Variants in SPMIP7 observed in about 807,000 individuals in gnomAD.
SPMIP7 encodes the protein sperm microtubule inner protein 7.
chr7:50,140,411 A>G, the SPMIP7 span, among the ~76,000 whole-genome samples: 8 of 152,364 alleles, frequency 5.3e-5, no homozygotes, highest in African/African-American at 1.9e-4. Context: ...AAGGAAGGAA[A>G]GAAAGAGAGA....
At chr7:50,145,624 A>G in the SPMIP7 span, among the ~76,000 whole-genome samples, 3,130 of 66,356 alleles carry the variant, frequency 0.047, 280 homozygotes, top group African/African-American at 0.095. Flanking sequence ...GTGTGTATAT[A>G]TATATATATA....
chr7:50,115,030 C>CAAA, the SPMIP7 span, among the ~76,000 whole-genome samples: 1 of 113,692 alleles, frequency 8.8e-6, no homozygotes, highest in African/African-American at 3.3e-5. Context: ...ATTCTGTCTC[C>CAAA]AAAAAAAAAA....
chr7:50,153,506 T>A, the SPMIP7 span, among the ~76,000 whole-genome samples: 9 of 152,244 alleles, frequency 5.9e-5, 1 homozygote, highest in Middle Eastern at 6.8e-3. Flanking sequence ...TCACCATCTC[T>A]CAATGAGAAA....
chr7:50,110,812 A>ATATAATATATAATCATATTATATAT, the SPMIP7 span, among the ~76,000 whole-genome samples: 1 of 128,712 alleles, frequency 7.8e-6, no homozygotes, highest in African/African-American at 3.1e-5. Context: ...AACATATATA[A>ATATAATATATAATCATATTATATAT]TATAATATAT....
the SPMIP7 span, among the ~76,000 whole-genome samples, chr7:50,115,270 T>C: frequency 6.6e-6 from 1 of 152,124 alleles, no homozygotes; most frequent in Admixed American, 6.6e-5. Context: ...ACATAAAATG[T>C]ATTTAAAATG....
At chr7:50,139,864 A>C in the SPMIP7 span, among the ~76,000 whole-genome samples, 3 of 152,374 alleles carry the variant, frequency 2.0e-5, no homozygotes, top group African/African-American at 7.2e-5. Flanking sequence ...GCAATGAAAA[A>C]GAACAAACAC....
At chr7:50,097,904 A>G in the SPMIP7 span, among the ~76,000 whole-genome samples, 1 of 152,204 alleles carries the variant, frequency 6.6e-6, no homozygotes. Flanking sequence ...AATCCCTGAA[A>G]CCTGATAAAA....
the SPMIP7 span, among the ~76,000 whole-genome samples, chr7:50,109,826 A>C: frequency 6.6e-6 from 1 of 152,138 alleles, no homozygotes; most frequent in Non-Finnish European, 1.5e-5. Context: ...ATAAGCTGTA[A>C]TTTTTCTGAT....
the SPMIP7 span, chr7:50,142,392 T>G: frequency 1.7e-4 from 26 of 152,308 alleles, no homozygotes; most frequent in African/African-American, 6.3e-4. Flanking sequence ...TTCAATAAAT[T>G]TGGGCATATA....
At chr7:50,133,268 G>A in the SPMIP7 span, among the ~76,000 whole-genome samples, 3 of 151,800 alleles carry the variant, frequency 2.0e-5, no homozygotes, top group East Asian at 1.9e-4. Flanking sequence ...TAAAATAATT[G>A]CATGTCATAG....
the SPMIP7 span, among the ~76,000 whole-genome samples, chr7:50,148,931 G>T: frequency 1.3e-5 from 2 of 152,148 alleles, no homozygotes; most frequent in Non-Finnish European, 2.9e-5. Flanking sequence ...TGGATCACAA[G>T]GTCAGGAGTT....
chr7:50,104,263 C>G, the SPMIP7 span: 1 of 901,516 alleles, frequency 1.1e-6, no homozygotes. Flanking sequence ...TGAAAAAGAA[C>G]TTTTATTGTG....
At chr7:50,125,115 T>TATATATATATATATATAC in the SPMIP7 span, among the ~76,000 whole-genome samples, 6 of 25,416 alleles carry the variant, frequency 2.4e-4, no homozygotes, top group South Asian at 2.3e-3. Context: ...TATATATATA[T>TATATATATATATATATAC]ACACACACAC....
chr7:50,149,143 TAA>T, the SPMIP7 span, among the ~76,000 whole-genome samples: 78,600 of 149,012 alleles, frequency 0.53, 20,879 homozygotes, highest in East Asian at 0.78. Flanking sequence ...AGATTCCATC[TAA>T]AAAAAAAAAA....
chr7:50,151,270 G>A, the SPMIP7 span, among the ~76,000 whole-genome samples: 9 of 152,030 alleles, frequency 5.9e-5, no homozygotes, highest in East Asian at 1.9e-4. Context: ...GCATCAGCAC[G>A]CCCCAGGCCT....
the SPMIP7 span, among the ~76,000 whole-genome samples, chr7:50,156,627 C>G: frequency 6.6e-6 from 1 of 151,648 alleles, no homozygotes; most frequent in African/African-American, 2.4e-5. Flanking sequence ...CTAGTGTCCC[C>G]TCCTCCTCTC....
the SPMIP7 span, among the ~76,000 whole-genome samples, chr7:50,156,541 A>T: frequency 0.96 from 144,795 of 151,222 alleles, 69,625 homozygotes; most frequent in East Asian, 1. Flanking sequence ...GCTTCCAGTC[A>T]CTTCCCCACG....
the SPMIP7 span, chr7:50,129,769 C>A: frequency 1.6e-5 from 24 of 1,548,388 alleles, no homozygotes; most frequent in Non-Finnish European, 2.1e-5. Flanking sequence ...GCAAAGGACT[C>A]ATTTTACAAG....
At chr7:50,116,765 A>G in the SPMIP7 span, among the ~76,000 whole-genome samples, 2 of 152,224 alleles carry the variant, frequency 1.3e-5, no homozygotes, top group African/African-American at 4.8e-5. Context: ...ATACATAAAA[A>G]CAAAGAATCA....
Sources: allele counts gnomAD v4.1 joint callset (sites outside exome capture counted in the v4.1 genomes callset), GRCh38; gene constraint gnomAD v4.1.1; transcripts MANE v1.5; gene names NCBI Gene and HGNC (gene_info 2026-07-23, HGNC 2026-07-21).